DPP10: variants seen among roughly 807,000 people sequenced by gnomAD.
DPP10 encodes dipeptidyl peptidase like 10, also known as inactive dipeptidyl peptidase 10.
In DPP10, 33 loss-of-function variants were observed where a neutral mutation model predicts 120.9. The ratio of observed to expected loss-of-function variants is 0.27; its 90% CI spans 0.21 to 0.37. The LOEUF (loss-of-function observed/expected upper bound fraction) is 0.37. Among genes scored for constraint, DPP10 ranks in the 10% least tolerant of loss-of-function variants. DPP10 has a pLI of 1.00. For missense variants in DPP10, 816 were observed against 942.8 expected (o/e 0.87, Z 1.76); for synonymous variants, 337 against 326.1 (o/e 1.03, Z -0.36).
At chr2:115,411,948 A>G (rs1456698022) in intron 3 of DPP10, among the ~76,000 whole-genome samples, 2 of 152,116 alleles carry the variant, frequency 1.3e-5, no homozygotes, top group African/African-American at 4.8e-5. Context: ...TTCATTTTCC[A>G]TCTGGTGTTT....
At chr2:114,501,977 C>T (rs1166372760) in intron 1 of DPP10, among the ~76,000 whole-genome samples, 1 of 142,280 alleles carries the variant, frequency 7.0e-6, no homozygotes. Flanking sequence ...AATCCATCCC[C>T]TAGGCTGGAG....
At chr2:115,054,972 G>A (rs1276170890) in intron 1 of DPP10, among the ~76,000 whole-genome samples, 2 of 151,882 alleles carry the variant, frequency 1.3e-5, no homozygotes, top group Admixed American at 6.6e-5. Context: ...CAATATAATA[G>A]GTTTGGATTT....
At chr2:115,475,931 G>A (rs2075048738) in intron 3 of DPP10, among the ~76,000 whole-genome samples, 1 of 152,132 alleles carries the variant, frequency 6.6e-6, no homozygotes, top group Non-Finnish European at 1.5e-5. Flanking sequence ...ATTGTATCTT[G>A]GAAGTAACTA....
intron 4 of DPP10, among the ~76,000 whole-genome samples, chr2:115,515,897 TAAAC>T (rs1282579241): frequency 2.0e-5 from 3 of 152,044 alleles, no homozygotes; most frequent in African/African-American, 7.2e-5. Flanking sequence ...AATGAAAAAA[TAAAC>T]ACACACACTG....
At chr2:115,750,147 G>A (rs1384859959) in intron 10 of DPP10, 22 of 985,250 alleles carry the variant, frequency 2.2e-5, no homozygotes, top group South Asian at 4.7e-5. Context: ...GTTCCAGGAG[G>A]ACAGCTACAT....
chr2:115,439,474 T>A, intron 3 of DPP10, among the ~76,000 whole-genome samples: 1 of 152,230 alleles, frequency 6.6e-6, no homozygotes, highest in East Asian at 1.9e-4. Flanking sequence ...GATCATTTTA[T>A]GTTACATATA....
chr2:115,432,667 G>T (rs771624042), intron 3 of DPP10, among the ~76,000 whole-genome samples: 9,311 of 147,104 alleles, frequency 0.063, 385 homozygotes, highest in Middle Eastern at 0.12. Context: ...TTTTGTGTGT[G>T]TGTGTGTGTG....
At chr2:114,741,215 G>A (rs1678028795) in intron 1 of DPP10, among the ~76,000 whole-genome samples, 1 of 152,142 alleles carries the variant, frequency 6.6e-6, no homozygotes, top group African/African-American at 2.4e-5. Context: ...CTACTTACCA[G>A]GCATGCATAA....
At chr2:115,294,097 A>G (rs2060778316) in intron 1 of DPP10, among the ~76,000 whole-genome samples, 1 of 152,112 alleles carries the variant, frequency 6.6e-6, no homozygotes, top group Non-Finnish European at 1.5e-5. Context: ...TGAAAGAGAC[A>G]CTTGAAACTG....
chr2:115,558,377 G>A (rs898179633), intron 5 of DPP10, among the ~76,000 whole-genome samples: 14 of 152,274 alleles, frequency 9.2e-5, no homozygotes, highest in Admixed American at 5.2e-4. Flanking sequence ...ATTCAATGCC[G>A]TCATTGAACA....
intron 4 of DPP10, among the ~76,000 whole-genome samples, chr2:115,524,771 A>G (rs2078025769): frequency 6.6e-6 from 1 of 152,194 alleles, no homozygotes; most frequent in Non-Finnish European, 1.5e-5. Flanking sequence ...CATGAAATCG[A>G]ATAAAGTGCA....
intron 1 of DPP10, among the ~76,000 whole-genome samples, chr2:114,782,526 G>A (rs1327209533): frequency 3.3e-5 from 5 of 151,862 alleles, no homozygotes; most frequent in Non-Finnish European, 2.9e-5. Context: ...ATTTGAGTAG[G>A]GGGGTGTTAC....
intron 1 of DPP10, among the ~76,000 whole-genome samples, chr2:114,720,768 G>A (rs1701654108): frequency 6.6e-6 from 1 of 152,098 alleles, no homozygotes; most frequent in African/African-American, 2.4e-5. Flanking sequence ...CCCTTAATAA[G>A]GACCCTATTA....
chr2:114,645,985 C>A (rs1696092395), intron 1 of DPP10, among the ~76,000 whole-genome samples: 1 of 151,908 alleles, frequency 6.6e-6, no homozygotes, highest in Non-Finnish European at 1.5e-5. Flanking sequence ...CATGGTGAAA[C>A]CCTGTCTCTA....
intron 1 of DPP10, among the ~76,000 whole-genome samples, chr2:115,012,325 C>T (rs1357852323): frequency 6.6e-6 from 1 of 152,080 alleles, no homozygotes; most frequent in African/African-American, 2.4e-5. Flanking sequence ...GCGCACAGGA[C>T]CACAGATAAT....
chr2:114,641,302 G>T (rs1220339795), intron 1 of DPP10, among the ~76,000 whole-genome samples: 2 of 151,778 alleles, frequency 1.3e-5, no homozygotes, highest in African/African-American at 4.9e-5. Flanking sequence ...CTTTTTTCCT[G>T]ATAAGTCACC....
At chr2:114,834,716 A>T (rs937572451) in intron 1 of DPP10, among the ~76,000 whole-genome samples, 5 of 130,912 alleles carry the variant, frequency 3.8e-5, no homozygotes, top group Non-Finnish European at 6.9e-5. Context: ...ACACCTATGT[A>T]TATATAAGCC....
chr2:115,079,344 C>T (rs986865663), intron 1 of DPP10, among the ~76,000 whole-genome samples: 1 of 148,144 alleles, frequency 6.8e-6, no homozygotes, highest in East Asian at 2.0e-4. Flanking sequence ...CCAGCCTGGG[C>T]GACAGAGCCA....
intron 1 of DPP10, among the ~76,000 whole-genome samples, chr2:114,541,554 T>G (rs1298823306): frequency 1.3e-5 from 2 of 152,172 alleles, no homozygotes; most frequent in Non-Finnish European, 2.9e-5. Context: ...CCTGCAGATA[T>G]TTGAGTAATT....
Sources: gnomAD v4.1 joint callset for allele counts (sites outside exome capture counted in the v4.1 genomes callset) on GRCh38, gnomAD v4.1.1 for gene constraint, MANE v1.5 for transcripts, NCBI Gene and HGNC (gene_info 2026-07-23, HGNC 2026-07-21) for gene names.